DOCK2: variants seen among roughly 807,000 people sequenced by gnomAD.
DOCK2 encodes the protein dedicator of cytokinesis 2.
DOCK2 carries 87 observed loss-of-function variants against 248.9 expected under a neutral mutation model. The ratio of observed to expected loss-of-function variants is 0.35; its 90% confidence interval spans 0.29 to 0.42. The LOEUF is 0.42. Ranked by LOEUF, DOCK2 falls within the 10% of genes least tolerant of loss-of-function variation. The pLI, the probability that DOCK2 is intolerant of heterozygous loss-of-function variation, is 1.00. For synonymous variants in DOCK2, 805 were observed against 821.6 expected (o/e 0.98, Z 0.35); for missense variants, 1,747 against 2,300.2 (o/e 0.76, Z 4.92).
intron 27 of DOCK2, among the ~76,000 whole-genome samples, chr5:169,935,208 C>T (rs1004490856): frequency 6.6e-6 from 1 of 152,054 alleles, no homozygotes; most frequent in Non-Finnish European, 1.5e-5. Flanking sequence ...ATGCCATTGC[C>T]GTTTCTGAGT....
intron 9 of DOCK2, among the ~76,000 whole-genome samples, chr5:169,693,099 A>G (rs139195711): frequency 1.2e-4 from 19 of 152,228 alleles, no homozygotes; most frequent in Admixed American, 5.9e-4. Flanking sequence ...AAAGGCACCA[A>G]TCTAAGTATT....
intron 27 of DOCK2, among the ~76,000 whole-genome samples, chr5:169,881,064 C>T (rs914009003): frequency 6.6e-6 from 1 of 152,074 alleles, no homozygotes; most frequent in African/African-American, 2.4e-5. Context: ...TCTGTGTGAG[C>T]GAGACCGAAT....
intron 1 of DOCK2, among the ~76,000 whole-genome samples, chr5:169,639,778 C>A (rs553670651): frequency 3.9e-5 from 6 of 152,280 alleles, no homozygotes; most frequent in Non-Finnish European, 7.4e-5. Context: ...ATGTAGGCAG[C>A]CATGTACCCA....
At chr5:169,961,737 G>A (rs967116734) in intron 27 of DOCK2, among the ~76,000 whole-genome samples, 1 of 152,066 alleles carries the variant, frequency 6.6e-6, no homozygotes, top group African/African-American at 2.4e-5. Context: ...CAGCACTTTG[G>A]GAGGCCGAGG....
intron 8 of DOCK2, among the ~76,000 whole-genome samples, chr5:169,687,113 C>T (rs144344692): frequency 3.9e-5 from 6 of 152,168 alleles, no homozygotes; most frequent in Non-Finnish European, 7.4e-5. Context: ...GCTGTTTAGA[C>T]GTAGCAAGCT....
At chr5:170,020,331 C>G (rs747553102) in intron 33 of DOCK2, among the ~76,000 whole-genome samples, 3 of 152,208 alleles carry the variant, frequency 2.0e-5, no homozygotes, top group African/African-American at 4.8e-5. Flanking sequence ...AATGCCATGT[C>G]ACCTAGAAGG....
At chr5:169,782,602 G>A (rs1055983502) in intron 25 of DOCK2, among the ~76,000 whole-genome samples, 6 of 150,638 alleles carry the variant, frequency 4.0e-5, no homozygotes, top group Admixed American at 2.0e-4. Context: ...TTCTTTCTAC[G>A]CCTTAGGGTC....
chr5:169,786,940 A>G (rs560459919), intron 25 of DOCK2, among the ~76,000 whole-genome samples: 2 of 152,356 alleles, frequency 1.3e-5, no homozygotes, highest in East Asian at 3.9e-4. Flanking sequence ...AGAAAGTTAC[A>G]TATAAATATT....
chr5:169,765,070 GCACACACACACACACACACA>G (rs142755026), intron 25 of DOCK2, among the ~76,000 whole-genome samples: 3 of 146,500 alleles, frequency 2.0e-5, no homozygotes, highest in African/African-American at 7.6e-5. Context: ...CTCTTTTAGC[GCACACACACACACACACACA>G]CACACACACA....
At chr5:169,712,446 CAT>C (rs1444710328) in intron 17 of DOCK2, among the ~76,000 whole-genome samples, 1 of 152,138 alleles carries the variant, frequency 6.6e-6, no homozygotes, top group Non-Finnish European at 1.5e-5. Flanking sequence ...TGGATGTAAA[CAT>C]AGCAATGATG....
At chr5:169,845,710 G>T (rs1027295833) in intron 27 of DOCK2, among the ~76,000 whole-genome samples, 1 of 152,192 alleles carries the variant, frequency 6.6e-6, no homozygotes, top group Non-Finnish European at 1.5e-5. Context: ...GCCTTGCAAA[G>T]GTTGTAAGTT....
intron 46 of DOCK2, 56 bp downstream of exon 46, chr5:170,069,276 G>A (rs1757600370): frequency 6.3e-7 from 1 of 1,584,856 alleles, no homozygotes; most frequent in Non-Finnish European, 8.6e-7. Flanking sequence ...CCCCCACCGT[G>A]GTTCACTTGC....
intron 27 of DOCK2, among the ~76,000 whole-genome samples, chr5:169,907,305 A>T (rs1774337724): frequency 6.6e-6 from 1 of 152,182 alleles, no homozygotes; most frequent in Non-Finnish European, 1.5e-5. Context: ...TTTTAGGAGA[A>T]GATTCTGCTT....
intron 19 of DOCK2, among the ~76,000 whole-genome samples, chr5:169,715,988 T>C (rs1761888871): frequency 6.6e-6 from 1 of 152,244 alleles, no homozygotes; most frequent in African/African-American, 2.4e-5. Flanking sequence ...TGTAGTATTC[T>C]CTAGTGTGAA....
At chr5:169,980,841 T>TC (rs1385344206) in intron 27 of DOCK2, 1 of 152,238 alleles carries the variant, frequency 6.6e-6, no homozygotes, top group Non-Finnish European at 1.5e-5. Context: ...CTCTGGCTCT[T>TC]CAAGGAGTTG....
chr5:169,654,505 C>T lies in DOCK2; in HGVS notation c.127+19C>T. Reference sequence around the variant, plus strand: ...TGTGGAGGTGAGTCACTGGCCCACGCCCCAAGTGCTGGACCCTTGGCTGAT... The same window carrying T: ...TGTGGAGGTGAGTCACTGGCCCACGTCCCAAGTGCTGGACCCTTGGCTGAT... On this transcript the variant is annotated intron_variant, in intron 2 of 51. Transcript: ENST00000520908. 1 of 1,613,758 alleles carries T rather than the reference C, an allele frequency of 6.2e-7. No homozygotes were observed. Among genetic ancestry groups the T allele is most frequent in the Non-Finnish European group, 8.5e-7 (1 of 1,179,834 alleles).
At chr5:170,075,260 C>G (rs1329844973) in intron 46 of DOCK2, among the ~76,000 whole-genome samples, 1 of 152,182 alleles carries the variant, frequency 6.6e-6, no homozygotes, top group African/African-American at 2.4e-5. Context: ...GCTACTCTCC[C>G]TTAAGGTAGC....
chr5:169,810,309 C>A (rs1490823632), intron 26 of DOCK2, among the ~76,000 whole-genome samples: 1 of 152,130 alleles, frequency 6.6e-6, no homozygotes, highest in Non-Finnish European at 1.5e-5. Context: ...CTCCTGAGTT[C>A]ATAACACATC....
At chr5:170,079,965 A>C in intron 49 of DOCK2, 198 bp from the exon 50 acceptor site, 2 of 712,000 alleles carry the variant, frequency 2.8e-6, no homozygotes, top group African/African-American at 1.8e-5. Flanking sequence ...CCCCGCCTGT[A>C]GTTGTGTAGT....
Sources: allele counts gnomAD v4.1 joint callset (sites outside exome capture counted in the v4.1 genomes callset), GRCh38; gene constraint gnomAD v4.1.1; transcripts MANE v1.5; gene names NCBI Gene and HGNC (gene_info 2026-07-23, HGNC 2026-07-21).